Variants in EPS15 observed in about 807,000 individuals in gnomAD.
EPS15 encodes epidermal growth factor receptor pathway substrate 15, also known as epidermal growth factor receptor substrate 15.
EPS15 carries 72 observed loss-of-function variants against 113.8 expected under a neutral mutation model. That is an observed-to-expected ratio of 0.63 (90% CI 0.52 to 0.77). EPS15 has a LOEUF of 0.77. Among genes scored for constraint, EPS15 ranks in the 30% least tolerant of loss-of-function variants. The pLI, the probability that EPS15 is intolerant of heterozygous loss-of-function variation, is 0.00. For missense variants in EPS15, 1,048 were observed against 1,045.8 expected (o/e 1.00, Z -0.03); for synonymous variants, 344 against 363.4 (o/e 0.95, Z 0.61).
At chr1:51,502,291 AC>A (rs746372254) in intron 1 of EPS15, among the ~76,000 whole-genome samples, 34 of 152,298 alleles carry the variant, frequency 2.2e-4, no homozygotes, top group Non-Finnish European at 4.0e-4. Flanking sequence ...AAATTTAGAA[AC>A]CCCTTCTTCC....
intron 1 of EPS15, among the ~76,000 whole-genome samples, chr1:51,502,031 G>A (rs535251037): frequency 6.6e-6 from 1 of 152,250 alleles, no homozygotes; most frequent in African/African-American, 2.4e-5. Flanking sequence ...TTTGGGAGGC[G>A]AAGGATGTGA....
intron 12 of EPS15, among the ~76,000 whole-genome samples, chr1:51,429,663 T>C (rs1409143872): frequency 6.6e-6 from 1 of 151,524 alleles, no homozygotes; most frequent in Non-Finnish European, 1.5e-5. Context: ...TTTTTTTCTT[T>C]TTTTTGAGAT....
At chr1:51,422,277 C>G (rs1650829077) in intron 12 of EPS15, among the ~76,000 whole-genome samples, 1 of 152,088 alleles carries the variant, frequency 6.6e-6, no homozygotes, top group Non-Finnish European at 1.5e-5. Context: ...TAAAAACAGT[C>G]AACAATACTA....
chr1:51,373,691 A>C (rs1646717065), intron 21 of EPS15, among the ~76,000 whole-genome samples: 1 of 152,246 alleles, frequency 6.6e-6, no homozygotes, highest in African/African-American at 2.4e-5. Context: ...TTTGGGATCC[A>C]GTTCCACATA....
At chr1:51,384,294 CTTTCT>C (rs1208134070) in intron 21 of EPS15, among the ~76,000 whole-genome samples, 2 of 98,524 alleles carry the variant, frequency 2.0e-5, no homozygotes, top group Non-Finnish European at 3.9e-5. Context: ...CTTTTTCTTT[CTTTCT>C]TTTTTTTTTT....
At chr1:51,455,061 G>A (rs934299773) in intron 8 of EPS15, among the ~76,000 whole-genome samples, 2 of 152,022 alleles carry the variant, frequency 1.3e-5, no homozygotes, top group Non-Finnish European at 2.9e-5. Context: ...AAAATCATGA[G>A]CATAGGCTCA....
chr1:51,463,574 A>T (rs1418603272), intron 7 of EPS15, 99 bp downstream of exon 7: 2 of 617,252 alleles, frequency 3.2e-6, no homozygotes, highest in Admixed American at 3.4e-5. Context: ...TTAAAATAAG[A>T]TTTGTATATT....
chr1:51,451,811 G>C (rs751189441), intron 8 of EPS15, among the ~76,000 whole-genome samples: 1 of 152,088 alleles, frequency 6.6e-6, no homozygotes, highest in Non-Finnish European at 1.5e-5. Context: ...CTATCTTTTA[G>C]CATATGAAAT....
chr1:51,393,757 T>C (rs906537362), intron 21 of EPS15, among the ~76,000 whole-genome samples: 1 of 152,236 alleles, frequency 6.6e-6, no homozygotes, highest in Non-Finnish European at 1.5e-5. Flanking sequence ...CAGAGTTACT[T>C]TGTTGAAAAA....
At chr1:51,383,789 A>G (rs994830054) in intron 21 of EPS15, among the ~76,000 whole-genome samples, 3 of 152,174 alleles carry the variant, frequency 2.0e-5, no homozygotes, top group East Asian at 1.9e-4. Flanking sequence ...CAGATTCAAA[A>G]CAAAGAAATA....
At chr1:51,456,741 A>C (rs917810471) in intron 8 of EPS15, among the ~76,000 whole-genome samples, 1 of 152,328 alleles carries the variant, frequency 6.6e-6, no homozygotes, top group East Asian at 1.9e-4. Context: ...CAAATCAATG[A>C]CTTGCAGCTG....
chr1:51,479,501 G>T (rs913816521), intron 2 of EPS15, among the ~76,000 whole-genome samples: 2 of 152,110 alleles, frequency 1.3e-5, no homozygotes, highest in African/African-American at 4.8e-5. Context: ...TCCATTGCTG[G>T]CGAGGAGCTC....
chr1:51,507,056 G>A (rs530097790), intron 1 of EPS15, among the ~76,000 whole-genome samples: 1 of 152,226 alleles, frequency 6.6e-6, no homozygotes, highest in Non-Finnish European at 1.5e-5. Flanking sequence ...TATTGCTCGA[G>A]TTAACCCTTG....
chr1:51,432,397 G>A (rs1482053118), intron 12 of EPS15, among the ~76,000 whole-genome samples: 1 of 151,594 alleles, frequency 6.6e-6, no homozygotes, highest in Non-Finnish European at 1.5e-5. Context: ...CTCAACTCCT[G>A]GCCTCAGCAA....
chr1:51,368,598 CTTT>C (rs1228266658), intron 21 of EPS15, among the ~76,000 whole-genome samples: 15 of 139,638 alleles, frequency 1.1e-4, no homozygotes, highest in African/African-American at 1.6e-4. Flanking sequence ...TTTTTTGTTT[CTTT>C]TTTTTTTTTT....
At chr1:51,485,769 T>A (rs1395299196) in intron 1 of EPS15, among the ~76,000 whole-genome samples, 1 of 152,184 alleles carries the variant, frequency 6.6e-6, no homozygotes, top group Non-Finnish European at 1.5e-5. Context: ...ATTTTATCAT[T>A]ATATTTTGGA....
intron 1 of EPS15, among the ~76,000 whole-genome samples, chr1:51,498,377 T>C (rs1398301657): frequency 6.6e-6 from 1 of 152,200 alleles, no homozygotes; most frequent in Non-Finnish European, 1.5e-5. Flanking sequence ...TTTACAACAG[T>C]ACAAAAGCAG....
At chr1:51,450,494 T>C (rs896590811) in intron 8 of EPS15, among the ~76,000 whole-genome samples, 1 of 151,786 alleles carries the variant, frequency 6.6e-6, no homozygotes, top group Non-Finnish European at 1.5e-5. Flanking sequence ...TGACAGTTAC[T>C]CCTTTCCTGA....
At chr1:51,374,920 T>A (rs1646752444) in intron 21 of EPS15, among the ~76,000 whole-genome samples, 1 of 151,270 alleles carries the variant, frequency 6.6e-6, no homozygotes, top group Admixed American at 6.6e-5. Flanking sequence ...CAAACTCCTG[T>A]CTGCCTCGGC....
Sources: allele counts gnomAD v4.1 joint callset (sites outside exome capture counted in the v4.1 genomes callset), GRCh38; gene constraint gnomAD v4.1.1; transcripts MANE v1.5; gene names NCBI Gene and HGNC (gene_info 2026-07-23, HGNC 2026-07-21).